RUNX1T1: variants seen among roughly 807,000 people sequenced by gnomAD.
The protein encoded by RUNX1T1 is protein CBFA2T1.
A neutral mutation model predicts 62.8 loss-of-function variants in RUNX1T1; 4 were observed. The ratio of observed to expected loss-of-function variants is 0.06; its 90% CI spans 0.03 to 0.15. RUNX1T1 has a LOEUF of 0.15. Ranked by LOEUF, RUNX1T1 falls within the 10% of genes least tolerant of loss-of-function variation. The pLI is 1.00. For synonymous variants in RUNX1T1, 291 were observed against 286.0 expected (o/e 1.02, Z -0.18); for missense variants, 508 against 754.3 (o/e 0.67, Z 3.82).
intron 6 of RUNX1T1, among the ~76,000 whole-genome samples, chr8:91,990,621 C>T (rs768115376): frequency 1.3e-5 from 2 of 151,676 alleles, no homozygotes; most frequent in African/African-American, 2.4e-5. Flanking sequence ...CTATAGAAGG[C>T]AATGTCTTCA....
chr8:92,073,416 C>A (rs1348979681), intron 2 of RUNX1T1, among the ~76,000 whole-genome samples: 1 of 152,150 alleles, frequency 6.6e-6, no homozygotes, highest in Non-Finnish European at 1.5e-5. Flanking sequence ...TCCAGGAGAC[C>A]CCAGCCTGCT....
At chr8:92,079,534 T>G (rs979063691) in intron 1 of RUNX1T1, among the ~76,000 whole-genome samples, 1 of 152,190 alleles carries the variant, frequency 6.6e-6, no homozygotes, top group African/African-American at 2.4e-5. Flanking sequence ...TGAGACACTG[T>G]GTGATTTGGG....
intron 1 of RUNX1T1, chr8:92,099,571 A>G (rs1329113700): frequency 2.8e-5 from 27 of 961,568 alleles, no homozygotes; most frequent in African/African-American, 1.8e-5. Flanking sequence ...CTGAACTTAC[A>G]TAACTTACAG....
rs139924061 is a variant in RUNX1T1 at position 92,010,174 on chromosome 8, G to C, written c.477+828C>G. On this transcript the variant is annotated intron_variant, in intron 4 of 10. Transcript: ENST00000396218. ...TCCTCCTTGGCAAATAATTAAATCA[G>C]AGGCTTCCTTGAGTGCTCATTTTGA... is the stretch of plus-strand genomic sequence containing the variant. 2.6e-5 allele frequency: 4 copies of C among 152,306 alleles called. No homozygotes were observed. In the East Asian group the frequency reaches 5.8e-4, roughly 22 times the overall value. 9.4% of individuals were successfully genotyped at this position (152,306 alleles called of 1,614,324 possible). A position where few individuals can be genotyped will look rare whatever the true frequency, so the allele number is the denominator to read the frequency against.
In RUNX1T1 at chr8:92,059,570, T is replaced by C. The variant is rs191448795; in HGVS notation, c.7+2976A>G. Among the ~76,000 whole-genome samples, 77 of 152,308 alleles carry C rather than the reference T, an allele frequency of 5.1e-4. 1 individual carries two copies. The highest frequency in any genetic ancestry group is 4.1e-3 in the Admixed American group (62 of 15,298). ...CCCAAAAATGTAAGCTAATAATATA[T>C]AGCTCTACTAAATGGAAAATGCAGA... On this transcript the variant is annotated intron_variant, in intron 1 of 10. Transcript: ENST00000396218.
At chr8:92,048,021 T>A (rs1390146857) in intron 1 of RUNX1T1, among the ~76,000 whole-genome samples, 1 of 152,228 alleles carries the variant, frequency 6.6e-6, no homozygotes, top group Non-Finnish European at 1.5e-5. Context: ...GCACTGCTTA[T>A]CAAGAAGGAC....
downstream of RUNX1T1, chr8:91,955,818 C>A (rs1395375312): frequency 8.8e-6 from 2 of 226,850 alleles, no homozygotes; most frequent in Non-Finnish European, 1.8e-5. Context: ...TAAAAACTAA[C>A]AGCATTCACA....
At chr8:92,043,520 A>T (rs528251142) in intron 1 of RUNX1T1, among the ~76,000 whole-genome samples, 1 of 151,996 alleles carries the variant, frequency 6.6e-6, no homozygotes, top group South Asian at 2.1e-4. Flanking sequence ...ATAAAATTTT[A>T]AAATAAATGA....
intron 1 of RUNX1T1, among the ~76,000 whole-genome samples, chr8:92,044,001 T>A (rs1180527414): frequency 1.3e-5 from 2 of 149,838 alleles, no homozygotes; most frequent in African/African-American, 2.4e-5. Flanking sequence ...AAAAAAACCT[T>A]AAGCTGAATT....
At chr8:92,055,714 A>T (rs1830934271) in intron 1 of RUNX1T1, among the ~76,000 whole-genome samples, 2 of 152,212 alleles carry the variant, frequency 1.3e-5, no homozygotes, top group African/African-American at 4.8e-5. Context: ...TTCTAAATCA[A>T]CTATGTATTT....
At chr8:92,036,624 C>T (rs551626383) in intron 1 of RUNX1T1, among the ~76,000 whole-genome samples, 25 of 152,244 alleles carry the variant, frequency 1.6e-4, no homozygotes, top group African/African-American at 5.8e-4. Flanking sequence ...AGGATGCCTC[C>T]GGAAGGTTTC....
intron 6 of RUNX1T1, among the ~76,000 whole-genome samples, chr8:91,990,285 T>C (rs1480584142): frequency 1.3e-5 from 2 of 152,252 alleles, no homozygotes; most frequent in Admixed American, 6.5e-5. Flanking sequence ...TTTCTGGTTT[T>C]CTACTTGCAT....
At chr8:92,009,089 TACA>T (rs1563744839) in intron 4 of RUNX1T1, among the ~76,000 whole-genome samples, 2 of 152,150 alleles carry the variant, frequency 1.3e-5, no homozygotes, top group African/African-American at 4.8e-5. Flanking sequence ...GTATGGATGG[TACA>T]AGACAAGAGG....
intron 1 of RUNX1T1, among the ~76,000 whole-genome samples, chr8:92,030,006 T>C (rs1825935658): frequency 6.6e-6 from 1 of 152,120 alleles, no homozygotes; most frequent in Non-Finnish European, 1.5e-5. Flanking sequence ...ACTCTTAGTA[T>C]AAAATCCAAA....
At chr8:91,961,200 G>A (rs370674174) in intron 10 of RUNX1T1, among the ~76,000 whole-genome samples, 1 of 152,306 alleles carries the variant, frequency 6.6e-6, no homozygotes, top group Admixed American at 6.5e-5. Flanking sequence ...CCCTGTATCT[G>A]AAGCACCCAG....
chr8:92,044,775 A>C (rs1386518869), intron 1 of RUNX1T1, among the ~76,000 whole-genome samples: 1 of 152,222 alleles, frequency 6.6e-6, no homozygotes, highest in African/African-American at 2.4e-5. Flanking sequence ...AAAGCAAGTA[A>C]AAGGAGGGAA....
chr8:92,008,386 T>TCA (rs1320545508), intron 4 of RUNX1T1, among the ~76,000 whole-genome samples: 1,490 of 48,984 alleles, frequency 0.03, 9 homozygotes, highest in African/African-American at 0.079. Context: ...TCTCTCTCTC[T>TCA]CTCACACACA....
intron 1 of RUNX1T1, among the ~76,000 whole-genome samples, chr8:92,047,544 C>T (rs906051030): frequency 4.6e-5 from 7 of 151,852 alleles, no homozygotes; most frequent in African/African-American, 1.7e-4. Context: ...TCTATGAGGG[C>T]AAAAAATGTT....
At chr8:91,986,996 T>C (rs779280404) in intron 6 of RUNX1T1, 24 bp from the exon 8 acceptor site, 1 of 1,503,150 alleles carries the variant, frequency 6.7e-7, no homozygotes. Context: ...GAAGGCTGAA[T>C]AACCCTAAAG....
Sources: allele counts gnomAD v4.1 joint callset (sites outside exome capture counted in the v4.1 genomes callset), GRCh38; gene constraint gnomAD v4.1.1; transcripts MANE v1.5; gene names NCBI Gene and HGNC (gene_info 2026-07-23, HGNC 2026-07-21).